Variants in UGT2B4 observed in about 807,000 individuals in gnomAD.
UGT2B4 encodes UDP-glucuronosyltransferase 2B4.
A neutral mutation model predicts 49.8 loss-of-function variants in UGT2B4; 49 were observed. That is an observed-to-expected ratio of 0.98 (90% CI 0.78 to 1.25). The LOEUF (loss-of-function observed/expected upper bound fraction) is 1.25, where lower values mean the gene tolerates loss of function less well. Among genes scored for constraint, UGT2B4 ranks in the 50% most tolerant of loss-of-function variants. UGT2B4 has a pLI of 0.00. For synonymous variants in UGT2B4, 246 were observed against 217.7 expected, an observed-to-expected ratio of 1.13 and a Z score of -1.14; for missense variants, 729 against 627.7, an observed-to-expected ratio of 1.16 and a Z score of -1.73.
At chr4:69,517,108 T>C (rs979002833) in intron 1 of UGT2B4, among the ~76,000 whole-genome samples, 1 of 152,118 alleles carries the variant, frequency 6.6e-6, no homozygotes, top group African/African-American at 2.4e-5. Flanking sequence ...TTAGCTGAAA[T>C]GGAAAATAAT....
intron 1 of UGT2B4, among the ~76,000 whole-genome samples, chr4:69,510,990 CTTTT>C (rs113842049): frequency 9.4e-6 from 1 of 105,892 alleles, no homozygotes; most frequent in Non-Finnish European, 1.9e-5. Flanking sequence ...TTCTTTTCTT[CTTTT>C]TTTTTTTTTT....
rs1028890192 is a variant in UGT2B4 at position 69,480,782 on chromosome 4, G to A, written c.1439C>T (p.Ala480Val). ...HKGAKHLRVAAHDLTWFQYHS... is the reference protein window; with the variant it reads ...HKGAKHLRVAVHDLTWFQYHS... The stretch of plus-strand genomic sequence containing the variant: ...GTACTGGAACCAGGTGAGGTCGTGG[G>A]CTGCAACCCGAAGGTGCTTGGCTCC... The change falls in exon 6 of 6, where the codon GCC (alanine) becomes GTC (valine). Residue 480 changes from alanine to valine, a missense_variant. Coordinates refer to ENST00000305107, the MANE Select transcript of UGT2B4 (RefSeq NM_021139.3). 15 of 1,613,858 alleles carry A rather than the reference G, an allele frequency of 9.3e-6. No homozygotes were observed. Among genetic ancestry groups the A allele is most frequent in the Non-Finnish European group, 1.3e-5 (15 of 1,179,908 alleles).
At chr4:69,521,349 G>A (rs759794466) in intron 1 of UGT2B4, among the ~76,000 whole-genome samples, 13 of 152,134 alleles carry the variant, frequency 8.5e-5, no homozygotes, top group African/African-American at 2.9e-4. Flanking sequence ...AGCCAGGGAC[G>A]TGACAACCTC....
At chr4:69,487,323 G>A (rs1028010617) in intron 3 of UGT2B4, among the ~76,000 whole-genome samples, 1 of 152,086 alleles carries the variant, frequency 6.6e-6, no homozygotes, top group Non-Finnish European at 1.5e-5. Flanking sequence ...ATTCACCATA[G>A]CAAAGACATG....
At chr4:69,507,310 A>G (rs1275871808) in intron 1 of UGT2B4, among the ~76,000 whole-genome samples, 1 of 152,212 alleles carries the variant, frequency 6.6e-6, no homozygotes, top group Admixed American at 6.5e-5. Flanking sequence ...ACATAATCCT[A>G]TATCTAGAAA....
intron 1 of UGT2B4, among the ~76,000 whole-genome samples, chr4:69,506,072 G>A (rs1248155518): frequency 6.6e-6 from 1 of 152,100 alleles, no homozygotes; most frequent in Non-Finnish European, 1.5e-5. Context: ...ATAAACCCAA[G>A]CAGTGTTAAG....
chr4:69,494,065 A>G (rs1024165644), intron 1 of UGT2B4, among the ~76,000 whole-genome samples: 2 of 152,160 alleles, frequency 1.3e-5, no homozygotes, highest in South Asian at 4.1e-4. Flanking sequence ...ATCATGAGGG[A>G]AAACTGCATC....
chr4:69,504,400 A>C (rs1303515269), intron 1 of UGT2B4, among the ~76,000 whole-genome samples: 1 of 152,224 alleles, frequency 6.6e-6, no homozygotes, highest in Non-Finnish European at 1.5e-5. Context: ...ATAAAGAAGA[A>C]TGTAACCAAT....
intron 1 of UGT2B4, among the ~76,000 whole-genome samples, chr4:69,502,709 T>A (rs892046617): frequency 2.6e-5 from 4 of 152,106 alleles, no homozygotes; most frequent in Non-Finnish European, 5.9e-5. Context: ...GGACAGAGCC[T>A]CCAGGGGCCC....
At chr4:69,490,638 G>GTTC (rs1727955583) in intron 2 of UGT2B4, among the ~76,000 whole-genome samples, 1 of 152,106 alleles carries the variant, frequency 6.6e-6, no homozygotes, top group Non-Finnish European at 1.5e-5. Flanking sequence ...TTTCTTAAGT[G>GTTC]TTCTCTACAA....
chr4:69,515,606 A>G (rs970591501), intron 1 of UGT2B4, among the ~76,000 whole-genome samples: 1 of 152,154 alleles, frequency 6.6e-6, no homozygotes, highest in Admixed American at 6.6e-5. Flanking sequence ...GAACTAGAGA[A>G]CCAAAAGCAA....
At chr4:69,511,509 C>T (rs1188368565) in intron 1 of UGT2B4, among the ~76,000 whole-genome samples, 2 of 152,098 alleles carry the variant, frequency 1.3e-5, no homozygotes, top group Non-Finnish European at 2.9e-5. Context: ...TTCATTTAGT[C>T]ATGATGAATG....
At chr4:69,525,842 C>G in exon 1 of UGT2B4, 2 of 716,498 alleles carry the variant, frequency 2.8e-6, no homozygotes, top group East Asian at 9.2e-5. Flanking sequence ...TGGCTCACAC[C>G]GTTAATCCCA....
At chr4:69,491,217 T>G (rs1262507017) in intron 2 of UGT2B4, among the ~76,000 whole-genome samples, 3 of 152,066 alleles carry the variant, frequency 2.0e-5, no homozygotes, top group African/African-American at 7.2e-5. Context: ...GTAATATTTA[T>G]AATTTTCTAC....
At chr4:69,488,366 T>C (rs757270922) in intron 3 of UGT2B4, among the ~76,000 whole-genome samples, 36 of 152,006 alleles carry the variant, frequency 2.4e-4, no homozygotes, top group African/African-American at 8.0e-4. Context: ...TATGTTTAAG[T>C]TACTAATTTT....
chr4:69,489,510 A>T lies in UGT2B4; in HGVS notation c.931T>A (p.Ser311Thr). 1.2e-6 allele frequency: 2 copies of T among 1,611,864 alleles called. No individual in the cohort carries two copies. The highest frequency in any genetic ancestry group is 1.7e-6 in the Non-Finnish European group (2 of 1,178,626). The change falls in exon 3 of 6, where the codon TCG becomes ACG. Residue 311 changes from serine (S) to threonine (T), a missense_variant. Coordinates refer to ENST00000305107, the MANE Select transcript of UGT2B4 (RefSeq NM_021139.3). Reference protein sequence around the residue: ...ENGVVVFSLGSMVSNTSEERA... With the variant: ...ENGVVVFSLGTMVSNTSEERA... ...TCTTCTGACGTGTTACTGACCATCGACCCCAGAGAAAACACCACAACACCA... is the reference window on the plus strand; with the variant it reads ...TCTTCTGACGTGTTACTGACCATCGTCCCCAGAGAAAACACCACAACACCA...
At position 69,495,683 on chromosome 4, in the gene UGT2B4, G is replaced by A; in HGVS notation, c.179C>T (p.Ala60Val). 2 of 1,614,004 alleles carry A rather than the reference G, an allele frequency of 1.2e-6. No individual in the cohort carries two copies. The change falls in exon 1 of 6, where the codon GCT becomes GTT. Residue 60 changes from alanine to valine, a missense_variant. Physicochemically the swap from Ala to Val is moderately conservative, Grantham distance 64 (BLOSUM62 0). Coordinates refer to ENST00000305107, the MANE Select transcript of UGT2B4 (RefSeq NM_021139.3). ...GCTGTTGGGATCGAAAGAAATGGAA[G>A]CTGAAGATGCCAATACAGTCACCTC... ...GHEVTVLASS[A>V]SISFDPNSPS...
rs1018812686 is a variant in UGT2B4, at chr4:69,480,454, G to T, written c.*180C>A. The T allele has an allele frequency of 2.3e-6, 2 of 862,448 alleles. No individual in the cohort carries two copies. Among genetic ancestry groups the T allele is most frequent in the African/African-American group, 3.4e-5 (2 of 58,594 alleles). The allele number at this position is 862,448 out of a possible 1,614,324, so 53.4% of individuals were successfully genotyped here. On this transcript the variant is annotated 3_prime_UTR_variant, in exon 6 of 6. Transcript: ENST00000305107. ...TGTTTTCCCTAATGTTTTCCTCCTT[G>T]ACATGAAATATTTCTAATGGTTAAA...
At chr4:69,497,309 A>G (rs1259325784), upstream of UGT2B4, among the ~76,000 whole-genome samples, 4 of 152,152 alleles carry the variant, frequency 2.6e-5, no homozygotes, top group Non-Finnish European at 2.9e-5. Context: ...TGACTAATCT[A>G]TGACTCCAAT....
Sources: gnomAD v4.1 joint callset for allele counts (sites outside exome capture counted in the v4.1 genomes callset) on GRCh38, gnomAD v4.1.1 for gene constraint, MANE v1.5 for transcripts, NCBI Gene and HGNC (gene_info 2026-07-23, HGNC 2026-07-21) for gene names.